The following PTPRD variants were observed in gnomAD, a reference collection of about 807,000 sequenced individuals.
The protein encoded by PTPRD is protein tyrosine phosphatase receptor type D.
In PTPRD, 34 loss-of-function variants were observed where a neutral mutation model predicts 214.5. The ratio of observed to expected loss-of-function variants is 0.16; its 90% CI spans 0.12 to 0.21. The LOEUF is 0.21. Among genes scored for constraint, PTPRD ranks in the 10% least tolerant of loss-of-function variants. The pLI is 1.00. For synonymous variants in PTPRD, 1,128 were observed against 845.7 expected (o/e 1.33, Z -5.79); for missense variants, 2,545 against 2,398.7 (o/e 1.06, Z -1.27).
chr9:9,248,654 C>G (rs2131439246), intron 9 of PTPRD, among the ~76,000 whole-genome samples: 1 of 152,076 alleles, frequency 6.6e-6, no homozygotes, highest in East Asian at 1.9e-4. Context: ...TAAAATAGTT[C>G]TATGCACTAT....
At chr9:10,376,687 A>G (rs1203349361) in intron 2 of PTPRD, among the ~76,000 whole-genome samples, 2 of 152,004 alleles carry the variant, frequency 1.3e-5, no homozygotes, top group East Asian at 3.9e-4. Context: ...CAGTCAGAGA[A>G]GATAATTCTA....
chr9:8,342,105 G>C, intron 39 of PTPRD, 127 bp from the exon 40 acceptor site: 1 of 1,010,190 alleles, frequency 9.9e-7, no homozygotes. Context: ...TAGCTATTGG[G>C]ATGACTTTGT....
intron 9 of PTPRD, among the ~76,000 whole-genome samples, chr9:9,353,186 G>T (rs2052174398): frequency 6.6e-6 from 1 of 151,792 alleles, no homozygotes; most frequent in Non-Finnish European, 1.5e-5. Context: ...TATATTTAGA[G>T]TATCTTGATT....
rs16928238 is a variant in PTPRD, at chr9:8,646,183, A to T, written c.65-9339T>A. 9.2e-4 allele frequency among the ~76,000 whole-genome samples: 140 copies of T among 152,146 alleles called. No homozygotes were observed. In the Middle Eastern group the frequency reaches 0.01, roughly 11 times the overall value. ...AAATTCCAACATGCAACCAGGATTG[A>T]GAATTACTGAATGATGCCATGATAT... On this transcript the variant is annotated intron_variant, in intron 12 of 45. Coordinates refer to ENST00000381196, the MANE Select transcript of PTPRD (RefSeq NM_002839.4).
At chr9:9,645,501 A>G (rs960095557) in intron 7 of PTPRD, among the ~76,000 whole-genome samples, 5 of 148,560 alleles carry the variant, frequency 3.4e-5, no homozygotes, top group African/African-American at 9.8e-5. Context: ...CTTCTATTTG[A>G]AATATCAAGT....
intron 36 of PTPRD, among the ~76,000 whole-genome samples, chr9:8,395,311 A>C (rs2090821063): frequency 6.6e-6 from 1 of 152,190 alleles, no homozygotes; most frequent in African/African-American, 2.4e-5. Flanking sequence ...GTTAAGACCT[A>C]GATTGCAATT....
intron 2 of PTPRD, among the ~76,000 whole-genome samples, chr9:10,351,502 G>T (rs1597806971): frequency 6.6e-6 from 1 of 151,994 alleles, no homozygotes; most frequent in Non-Finnish European, 1.5e-5. Flanking sequence ...TTGTATTGGA[G>T]TCATGAAGTG....
chr9:10,044,715 G>A (rs2097358319), intron 3 of PTPRD, among the ~76,000 whole-genome samples: 2 of 151,726 alleles, frequency 1.3e-5, no homozygotes, highest in Admixed American at 6.6e-5. Flanking sequence ...TTCAGAGAGA[G>A]TAAGTAATAG....
chr9:9,945,795 A>T (rs1244869294), intron 4 of PTPRD, among the ~76,000 whole-genome samples: 2 of 152,144 alleles, frequency 1.3e-5, no homozygotes, highest in Non-Finnish European at 2.9e-5. Context: ...AGTTCCAAAA[A>T]TTGAAATCCA....
chr9:9,503,227 G>A (rs1773274243), intron 8 of PTPRD, among the ~76,000 whole-genome samples: 1 of 151,294 alleles, frequency 6.6e-6, no homozygotes, highest in South Asian at 2.1e-4. Flanking sequence ...GCTCAGTAAT[G>A]TTACCATTGG....
chr9:8,992,492 T>C (rs778558941), intron 11 of PTPRD, among the ~76,000 whole-genome samples: 9 of 152,190 alleles, frequency 5.9e-5, no homozygotes, highest in Non-Finnish European at 8.8e-5. Flanking sequence ...AGAGAGAATG[T>C]CACTGTAAGA....
At chr9:9,748,615 C>A (rs755549761) in intron 6 of PTPRD, among the ~76,000 whole-genome samples, 1 of 152,164 alleles carries the variant, frequency 6.6e-6, no homozygotes, top group East Asian at 1.9e-4. Flanking sequence ...GAACTACAAC[C>A]AATTTCAATG....
intron 14 of PTPRD, among the ~76,000 whole-genome samples, chr9:8,632,845 A>G (rs2096294561): frequency 6.6e-6 from 1 of 151,992 alleles, no homozygotes; most frequent in Admixed American, 6.6e-5. Flanking sequence ...TTCACATAAG[A>G]CAGGTGCATT....
chr9:8,432,784 G>C (rs1240414654), intron 35 of PTPRD, among the ~76,000 whole-genome samples: 1 of 152,130 alleles, frequency 6.6e-6, no homozygotes, highest in Non-Finnish European at 1.5e-5. Flanking sequence ...CTTCATGCCG[G>C]TTAAGGCACA....
At chr9:10,322,774 T>C (rs1178414425) in intron 3 of PTPRD, among the ~76,000 whole-genome samples, 1 of 151,996 alleles carries the variant, frequency 6.6e-6, no homozygotes, top group Non-Finnish European at 1.5e-5. Flanking sequence ...AAATAGTACA[T>C]TTTAAAGGAC....
chr9:9,459,165 G>T (rs1217380457), intron 8 of PTPRD, among the ~76,000 whole-genome samples: 1 of 151,942 alleles, frequency 6.6e-6, no homozygotes, highest in Non-Finnish European at 1.5e-5. Context: ...TGGCTCATAT[G>T]TCCAGTATAT....
At chr9:9,579,973 G>A (rs1024735273) in intron 7 of PTPRD, among the ~76,000 whole-genome samples, 1 of 152,002 alleles carries the variant, frequency 6.6e-6, no homozygotes, top group African/African-American at 2.4e-5. Flanking sequence ...CTGTGTCTGG[G>A]TTGTTTCACT....
intron 14 of PTPRD, among the ~76,000 whole-genome samples, chr9:8,604,246 G>A (rs1413131235): frequency 6.6e-6 from 1 of 152,178 alleles, no homozygotes; most frequent in Non-Finnish European, 1.5e-5. Flanking sequence ...GTCGAGGAAA[G>A]AGCAAAGTGC....
At chr9:10,196,418 AC>A (rs1245181747) in intron 3 of PTPRD, among the ~76,000 whole-genome samples, 15 of 152,164 alleles carry the variant, frequency 9.9e-5, no homozygotes, top group African/African-American at 3.6e-4. Flanking sequence ...AGTTCCCACT[AC>A]CATGACTCTT....
Sources: gnomAD v4.1 joint callset for allele counts (sites outside exome capture counted in the v4.1 genomes callset) on GRCh38, gnomAD v4.1.1 for gene constraint, MANE v1.5 for transcripts, NCBI Gene and HGNC (gene_info 2026-07-23, HGNC 2026-07-21) for gene names.